Variants in USP47 observed in about 807,000 individuals in gnomAD.
The protein encoded by USP47 is ubiquitin carboxyl-terminal hydrolase 47.
A neutral mutation model predicts 165.1 loss-of-function variants in USP47; 35 were observed. The observed-to-expected ratio is 0.21, with a 90% confidence interval of 0.16 to 0.28. The LOEUF is 0.28. USP47 is among the 10% of genes least tolerant of loss of function. The pLI, the probability that USP47 is intolerant of heterozygous loss-of-function variation, is 1.00. For missense variants in USP47, 1,277 were observed against 1,607.4 expected, an observed-to-expected ratio of 0.79 and a Z score of 3.52; for synonymous variants, 531 against 544.5, an observed-to-expected ratio of 0.98 and a Z score of 0.35.
intron 16 of USP47, among the ~76,000 whole-genome samples, chr11:11,934,798 A>G (rs1768255799): frequency 1.3e-5 from 2 of 152,272 alleles, no homozygotes; most frequent in South Asian, 4.1e-4. Flanking sequence ...TCTAAATGTC[A>G]TTTATGATAC....
At chr11:11,865,335 T>A (rs180872515) in intron 1 of USP47, among the ~76,000 whole-genome samples, 3 of 152,260 alleles carry the variant, frequency 2.0e-5, no homozygotes, top group Admixed American at 2.0e-4. Context: ...CCACTGATCA[T>A]TGTTTTAGGG....
intron 4 of USP47, 94 bp downstream of exon 4, chr11:11,892,200 A>G (rs1851558588): frequency 1.5e-6 from 2 of 1,375,248 alleles, no homozygotes; most frequent in East Asian, 2.4e-5. Context: ...TATGGATAAG[A>G]AAACTGAGAC....
intron 1 of USP47, among the ~76,000 whole-genome samples, chr11:11,850,306 A>AT (rs569624107): frequency 7.2e-6 from 1 of 139,276 alleles, no homozygotes; most frequent in East Asian, 2.2e-4. Flanking sequence ...ATTTCTTTAC[A>AT]TTTTTTTTCT....
chr11:11,876,326 T>C (rs142167712), intron 1 of USP47, among the ~76,000 whole-genome samples: 83 of 152,338 alleles, frequency 5.4e-4, no homozygotes, highest in African/African-American at 1.9e-3. Context: ...CTTTTCTTAA[T>C]GTTGGATGTA....
chr11:11,949,993 C>T lies in USP47; in HGVS notation c.3453C>T (p.Leu1151=). The T allele has an allele frequency of 6.2e-7, 1 of 1,606,556 alleles. No homozygotes were observed. ...PQLREQCGLE[L]SIDRFRLRKK... Reference sequence around the variant, plus strand: ...TCAGGGAGCAATGTGGTTTAGAGCTCAGTATTGACAGGTAAAGTAAAATTA... The same window carrying T: ...TCAGGGAGCAATGTGGTTTAGAGCTTAGTATTGACAGGTAAAGTAAAATTA... Residue 1151 remains leucine (L), a synonymous_variant, in exon 23 of 28, where the codon CTC becomes CTT. Coordinates refer to ENST00000527733, the MANE Select transcript of USP47 (RefSeq NM_001282659.2).
intron 11 of USP47, among the ~76,000 whole-genome samples, chr11:11,927,227 T>C (rs1367993247): frequency 2.1e-5 from 2 of 94,588 alleles, no homozygotes; most frequent in African/African-American, 5.6e-5. Context: ...CCCCTGAAGA[T>C]TTTTTTGTCT....
At chr11:11,892,361 T>G (rs1458524187) in intron 4 of USP47, among the ~76,000 whole-genome samples, 1 of 147,462 alleles carries the variant, frequency 6.8e-6, no homozygotes. Flanking sequence ...AGGAAGACTT[T>G]TCTTTTCTTT....
chr11:11,892,057 T>C lies in USP47; in HGVS notation c.447T>C (p.Tyr149=). The change falls in exon 4 of 28, where the codon TAT becomes TAC. Residue 149 remains tyrosine (Y), a synonymous_variant. Transcript: ENST00000527733. ...REGSGGSTSD[Y]VSQSYSYSSI... ...GTTCTGGGGGTTCTACCAGTGATTA[T>C]GTCAGCCAAAGCTACTCCTACTCAT... is the stretch of plus-strand genomic sequence containing the variant. 6.2e-7 allele frequency: 1 copy of C among 1,613,942 alleles called. No individual in the cohort carries two copies. Among genetic ancestry groups the C allele is most frequent in the Non-Finnish European group, 8.5e-7 (1 of 1,179,878 alleles).
At chr11:11,928,773 C>CT (rs1472842049) in intron 11 of USP47, among the ~76,000 whole-genome samples, 1 of 151,714 alleles carries the variant, frequency 6.6e-6, no homozygotes, top group Non-Finnish European at 1.5e-5. Flanking sequence ...TAAATGACCT[C>CT]TTTTTTTTAA....
chr11:11,842,005 G>A lies in USP47; in HGVS notation c.-181G>A. ...CGGCTGTGGTAGCGGCGGCGGCGGC[G>A]GCGGAGCCCTGGGTCGGTGTCTGCG... On this transcript the variant is annotated 5_prime_UTR_variant, in exon 1 of 28. Coordinates refer to ENST00000527733, the MANE Select transcript of USP47 (RefSeq NM_001282659.2). The A allele has an allele frequency of 3.3e-6, 2 of 597,592 alleles. No homozygotes were observed. The highest frequency in any genetic ancestry group is 6.7e-5 in the East Asian group (2 of 29,892). 37.0% of individuals were successfully genotyped at this position (597,592 alleles called of 1,614,324 possible). A position where few individuals can be genotyped will look rare whatever the true frequency, so the allele number is the denominator to read the frequency against.
intron 1 of USP47, among the ~76,000 whole-genome samples, chr11:11,867,566 T>C (rs1202940090): frequency 2.6e-5 from 4 of 152,190 alleles, no homozygotes; most frequent in Non-Finnish European, 1.5e-5. Context: ...TTGAACCACT[T>C]TTTTATTTCT....
intron 1 of USP47, among the ~76,000 whole-genome samples, chr11:11,866,152 A>G (rs1448893514): frequency 6.6e-6 from 1 of 152,156 alleles, no homozygotes; most frequent in Non-Finnish European, 1.5e-5. Flanking sequence ...TAGCTCTTAC[A>G]TATAGGTCTT....
At chr11:11,899,449 A>G (rs1852058674) in intron 5 of USP47, among the ~76,000 whole-genome samples, 1 of 152,202 alleles carries the variant, frequency 6.6e-6, no homozygotes, top group South Asian at 2.1e-4. Flanking sequence ...AAGAGAAAGT[A>G]CCTCATTTAG....
intron 12 of USP47, 27 bp from the exon 13 acceptor site, chr11:11,930,016 CA>C: frequency 3.8e-6 from 6 of 1,592,016 alleles, no homozygotes; most frequent in South Asian, 1.1e-5. Flanking sequence ...ATAGAATTTG[CA>C]AAAAAAATCA....
At chr11:11,887,553 A>C (rs1342067917) in intron 3 of USP47, among the ~76,000 whole-genome samples, 1 of 152,226 alleles carries the variant, frequency 6.6e-6, no homozygotes, top group South Asian at 2.1e-4. Context: ...CACTCAATAC[A>C]GGAACACCCA....
rs1007611753 is a variant in USP47 at position 11,885,683 on chromosome 11, C to T, written c.357+1103C>T. Among the ~76,000 whole-genome samples the T allele has an allele frequency of 2.6e-5, 4 of 152,126 alleles. No individual in the cohort carries two copies. The South Asian group carries it at 6.2e-4, about 24-fold the overall frequency. Reference sequence around the variant, plus strand: ...CAGGATCCCCAACAAGGTGGGAAGTCCATACATAAATACCCCTAGGAAGGG... The same window carrying T: ...CAGGATCCCCAACAAGGTGGGAAGTTCATACATAAATACCCCTAGGAAGGG... On this transcript the variant is annotated intron_variant, in intron 3 of 27. Transcript: ENST00000527733.
Position 11,936,824 on chromosome 11 carries a change from A to G in USP47, c.2077+314A>G, listed in dbSNP as rs146896797. 4.4e-3 allele frequency among the ~76,000 whole-genome samples: 665 copies of G among 151,944 alleles called. 9 individuals are homozygous for G. Among genetic ancestry groups the G allele is most frequent in the African/African-American group, 0.015 (617 of 41,490 alleles). On this transcript the variant is annotated intron_variant, in intron 17 of 27. Transcript: ENST00000527733. ...ATGCTGTCAATCCCTAAAGTTATCA[A>G]TTGCTCTCTTAGGAAGATCTCTCTT...
intron 18 of USP47, among the ~76,000 whole-genome samples, chr11:11,938,744 T>C (rs115718937): frequency 1.3e-3 from 205 of 152,136 alleles, no homozygotes; most frequent in African/African-American, 4.5e-3. Flanking sequence ...CTGCATTTAG[T>C]GTCTGGTGAC....
At chr11:11,866,344 A>G (rs1015365199) in intron 1 of USP47, among the ~76,000 whole-genome samples, 3 of 152,148 alleles carry the variant, frequency 2.0e-5, no homozygotes, top group African/African-American at 4.8e-5. Context: ...CAGGAGAGGG[A>G]AAGTGGTAGG....
Sources: allele counts gnomAD v4.1 joint callset (sites outside exome capture counted in the v4.1 genomes callset), GRCh38; gene constraint gnomAD v4.1.1; transcripts MANE v1.5; gene names NCBI Gene and HGNC (gene_info 2026-07-23, HGNC 2026-07-21).